Variants in SDK1 observed in about 807,000 individuals in gnomAD.
SDK1 encodes the protein sidekick cell adhesion molecule 1, also known as protein sidekick-1.
A neutral mutation model predicts 245.5 loss-of-function variants in SDK1; 157 were observed. The ratio of observed to expected loss-of-function variants is 0.64; its 90% CI spans 0.56 to 0.73. SDK1 has a LOEUF of 0.73. SDK1 is among the 30% of genes least tolerant of loss of function. The pLI is 0.00. For missense variants in SDK1, 3,583 were observed against 3,002.3 expected (o/e 1.19, Z -4.52); for synonymous variants, 1,647 against 1,278.5 (o/e 1.29, Z -6.15).
chr7:3,757,027 G>A (rs1779952353), intron 4 of SDK1, among the ~76,000 whole-genome samples: 1 of 152,066 alleles, frequency 6.6e-6, no homozygotes, highest in South Asian at 2.1e-4. Context: ...AGCTGAATAT[G>A]TGGTGTTTTT....
At chr7:3,427,256 A>T (rs1779703811) in intron 1 of SDK1, among the ~76,000 whole-genome samples, 1 of 152,222 alleles carries the variant, frequency 6.6e-6, no homozygotes, top group South Asian at 2.1e-4. Flanking sequence ...TGAAAGGCTC[A>T]CACCTGTAAT....
chr7:3,755,922 C>T (rs1466333059), intron 4 of SDK1, among the ~76,000 whole-genome samples: 4 of 151,832 alleles, frequency 2.6e-5, no homozygotes, highest in Admixed American at 6.6e-5. Flanking sequence ...TGGCATAGCA[C>T]GTGTGACACA....
intron 14 of SDK1, among the ~76,000 whole-genome samples, chr7:4,005,643 G>A (rs184175252): frequency 6.6e-6 from 1 of 152,098 alleles, no homozygotes; most frequent in Non-Finnish European, 1.5e-5. Flanking sequence ...CCCCAAGCGG[G>A]TTTCTGTGGC....
intron 17 of SDK1, among the ~76,000 whole-genome samples, chr7:4,021,891 G>A (rs1371335264): frequency 6.6e-6 from 1 of 152,192 alleles, no homozygotes; most frequent in Non-Finnish European, 1.5e-5. Flanking sequence ...CTCCTGGCTT[G>A]CCTCACACAG....
At chr7:3,456,601 A>AT (rs1217365774) in intron 1 of SDK1, among the ~76,000 whole-genome samples, 3 of 151,604 alleles carry the variant, frequency 2.0e-5, no homozygotes, top group Non-Finnish European at 2.9e-5. Flanking sequence ...TTTTTGTTTT[A>AT]TTTTTTTCCG....
At chr7:3,621,045 C>A (rs1447334219) in intron 2 of SDK1, among the ~76,000 whole-genome samples, 1 of 152,108 alleles carries the variant, frequency 6.6e-6, no homozygotes, top group Non-Finnish European at 1.5e-5. Context: ...CCCTCCCCTC[C>A]CGTAAGTGAA....
Position 3,946,949 on chromosome 7 carries a change from A to G in SDK1, c.848-3974A>G, listed in dbSNP as rs1425696391. 5.3e-5 allele frequency among the ~76,000 whole-genome samples: 8 copies of G among 152,324 alleles called. No individual in the cohort carries two copies. The South Asian group carries it at 8.3e-4, about 16-fold the overall frequency. On this transcript the variant is annotated intron_variant, in intron 5 of 44. Transcript: ENST00000404826. ...TTTTCTCTATTTAGCCCTTTGTGCT[A>G]ATATTTAACTCCGTGTCTTAACAAT...
chr7:4,005,393 AGTGTGTGTGTGTGTGTGTGTGTGTGTGT>A (rs71032920), intron 14 of SDK1, among the ~76,000 whole-genome samples: 1 of 129,818 alleles, frequency 7.7e-6, no homozygotes, highest in African/African-American at 2.9e-5. Flanking sequence ...TTCTTATGTG[AGTGTGTGTGTGTGTGTGTGTGTGTGTGT>A]GTGTGTGTGT....
intron 5 of SDK1, among the ~76,000 whole-genome samples, chr7:3,907,640 G>A (rs529424058): frequency 4.6e-5 from 7 of 152,280 alleles, no homozygotes; most frequent in African/African-American, 1.2e-4. Flanking sequence ...CTAAGAGTGC[G>A]ATTACTGAAT....
At chr7:3,995,268 C>T (rs764764831) in intron 14 of SDK1, among the ~76,000 whole-genome samples, 3 of 152,214 alleles carry the variant, frequency 2.0e-5, no homozygotes, top group South Asian at 2.1e-4. Context: ...CTGATCCTGT[C>T]CCCCTCTGCC....
chr7:3,585,800 G>T (rs1004669654), intron 1 of SDK1, among the ~76,000 whole-genome samples: 3 of 152,176 alleles, frequency 2.0e-5, no homozygotes, highest in East Asian at 1.9e-4. Flanking sequence ...TGCCACTTTT[G>T]CCTCTAAACA....
Position 4,265,584 on chromosome 7 carries a change from C to T in SDK1, c.*200C>T. On this transcript the variant is annotated 3_prime_UTR_variant, in exon 45 of 45. Transcript: ENST00000404826. ...TAAACGGCTTTTTGTAACTTCGCTG[C>T]AGGAAGCAGGTTTGTTTCTTTTTCT... 2 of 1,343,028 alleles carry T rather than the reference C, an allele frequency of 1.5e-6. No individual in the cohort carries two copies. The highest frequency in any genetic ancestry group is 1.9e-6 in the Non-Finnish European group (2 of 1,056,746). 83.2% of individuals were successfully genotyped at this position (1,343,028 alleles called of 1,614,324 possible).
chr7:4,133,698 C>G (rs1322101246), intron 28 of SDK1, among the ~76,000 whole-genome samples: 3 of 152,126 alleles, frequency 2.0e-5, no homozygotes, highest in Non-Finnish European at 4.4e-5. Context: ...ACTGTGAGCT[C>G]CCTGCTGTGT....
At chr7:4,127,538 G>T (rs1365750878) in intron 26 of SDK1, 42 bp downstream of exon 26, 2 of 1,464,782 alleles carry the variant, frequency 1.4e-6, no homozygotes, top group East Asian at 2.3e-5. Context: ...TAAAGAGTGG[G>T]CTGGGGAAAT....
intron 35 of SDK1, among the ~76,000 whole-genome samples, chr7:4,193,164 A>G (rs1433833979): frequency 7.5e-6 from 1 of 134,158 alleles, no homozygotes; most frequent in African/African-American, 2.8e-5. Context: ...AATATATATT[A>G]AAATATTTAT....
At chr7:3,801,304 C>G (rs902368850) in intron 4 of SDK1, among the ~76,000 whole-genome samples, 2 of 152,148 alleles carry the variant, frequency 1.3e-5, no homozygotes, top group Non-Finnish European at 2.9e-5. Flanking sequence ...GTCTTCACTT[C>G]TCTTTGGAGC....
chr7:3,618,126 A>G (rs557133861), intron 1 of SDK1, among the ~76,000 whole-genome samples: 4 of 152,358 alleles, frequency 2.6e-5, no homozygotes, highest in East Asian at 1.9e-4. Flanking sequence ...TGCTACAGCT[A>G]GAAGCCAAGT....
At chr7:3,731,258 T>G (rs143909636) in intron 4 of SDK1, among the ~76,000 whole-genome samples, 67 of 152,256 alleles carry the variant, frequency 4.4e-4, no homozygotes, top group African/African-American at 1.5e-3. Context: ...CATGGGCATG[T>G]TTTCCTGGCA....
chr7:3,390,394 T>G (rs1461500281), intron 1 of SDK1, among the ~76,000 whole-genome samples: 1 of 152,214 alleles, frequency 6.6e-6, no homozygotes, highest in African/African-American at 2.4e-5. Flanking sequence ...ATTACAGTTA[T>G]CGAAGCCAAT....
Sources: gnomAD v4.1 joint callset for allele counts (sites outside exome capture counted in the v4.1 genomes callset) on GRCh38, gnomAD v4.1.1 for gene constraint, MANE v1.5 for transcripts, NCBI Gene and HGNC (gene_info 2026-07-23, HGNC 2026-07-21) for gene names.